Variants in MPDZ observed in about 807,000 individuals in gnomAD.
MPDZ encodes the protein multiple PDZ domain crumbs cell polarity complex component.
A neutral mutation model predicts 239.1 loss-of-function variants in MPDZ; 234 were observed. The observed-to-expected ratio is 0.98, with a 90% CI of 0.88 to 1.09. The LOEUF (loss-of-function observed/expected upper bound fraction) is 1.09. MPDZ is among the 50% of genes least tolerant of loss of function. The pLI is 0.00. For synonymous variants in MPDZ, 1,048 were observed against 881.3 expected (o/e 1.19, Z -3.35); for missense variants, 3,175 against 2,510.0 (o/e 1.26, Z -5.66).
intron 1 of MPDZ, chr9:13,276,627 GTAGGATCT>G (rs1052900036): frequency 6.6e-6 from 1 of 152,344 alleles, no homozygotes; most frequent in South Asian, 2.1e-4. Flanking sequence ...TCTTTAAAGT[GTAGGATCT>G]TTCTCTGGCA....
chr9:13,154,797 GTT>G (rs1025605890), intron 24 of MPDZ, among the ~76,000 whole-genome samples: 1 of 152,074 alleles, frequency 6.6e-6, no homozygotes, highest in Admixed American at 6.6e-5. Flanking sequence ...ACCACACCTT[GTT>G]TATTGAGAAA....
intron 24 of MPDZ, among the ~76,000 whole-genome samples, chr9:13,157,632 A>AAC (rs60566356): frequency 0.043 from 6,384 of 149,640 alleles, 233 homozygotes; most frequent in South Asian, 0.12. Context: ...TTTACACACA[A>AAC]ACACACACAC....
chr9:13,191,094 C>A (rs1477843782), intron 15 of MPDZ, among the ~76,000 whole-genome samples: 1 of 152,080 alleles, frequency 6.6e-6, no homozygotes, highest in Non-Finnish European at 1.5e-5. Context: ...AATTATTGCA[C>A]AGCCTAGGAC....
intron 3 of MPDZ, among the ~76,000 whole-genome samples, chr9:13,225,669 A>G (rs1249401976): frequency 6.6e-6 from 1 of 152,066 alleles, no homozygotes; most frequent in East Asian, 1.9e-4. Context: ...CCATATAGTA[A>G]CATGCTGTAC....
chr9:13,220,822 TAAC>T (rs989096932), intron 7 of MPDZ, among the ~76,000 whole-genome samples: 1 of 152,006 alleles, frequency 6.6e-6, no homozygotes, highest in African/African-American at 2.4e-5. Flanking sequence ...ATATAAATCA[TAAC>T]AAATGTGTTA....
At chr9:13,166,660 T>C (rs1422569768) in intron 22 of MPDZ, among the ~76,000 whole-genome samples, 1 of 152,094 alleles carries the variant, frequency 6.6e-6, no homozygotes, top group Non-Finnish European at 1.5e-5. Context: ...TAGTACATTT[T>C]GCCTCCTGAG....
intron 1 of MPDZ, among the ~76,000 whole-genome samples, chr9:13,266,358 T>C (rs1223291296): frequency 6.6e-6 from 1 of 152,226 alleles, no homozygotes; most frequent in East Asian, 1.9e-4. Context: ...GACTAGTGGT[T>C]TGACTCCTGT....
rs181098014 is a variant in MPDZ, at chr9:13,114,720, C to T, written c.5466+528G>A. ...TTTGAGACCAGCCTGGCTGACATGG[C>T]GAAACCCCATCTCTAATAAAAATAC... On this transcript the variant is annotated intron_variant, in intron 40 of 46. Transcript: ENST00000319217. Among the ~76,000 whole-genome samples the T allele has an allele frequency of 6.6e-5, 10 of 151,834 alleles. No homozygotes were observed. The East Asian group carries it at 7.8e-4, about 12-fold the overall frequency.
intron 41 of MPDZ, 72 bp downstream of exon 41, chr9:13,113,859 G>A (rs978906312): frequency 4.7e-5 from 55 of 1,170,368 alleles, no homozygotes; most frequent in Non-Finnish European, 6.7e-5. Context: ...AAAGCTCAGA[G>A]GTAAACAAGA....
chr9:13,111,953 C>T, intron 43 of MPDZ, 71 bp downstream of exon 43: 3 of 1,513,512 alleles, frequency 2.0e-6, no homozygotes, highest in Non-Finnish European at 2.7e-6. Context: ...AACAGGTAGC[C>T]AGGTTCAAAG....
intron 3 of MPDZ, among the ~76,000 whole-genome samples, chr9:13,239,693 G>C (rs569874339): frequency 6.6e-6 from 1 of 152,140 alleles, no homozygotes; most frequent in African/African-American, 2.4e-5. Flanking sequence ...ATCAGTTTTA[G>C]AGCTTAAGTA....
chr9:13,198,101 G>C (rs770822175), intron 12 of MPDZ, among the ~76,000 whole-genome samples: 1 of 152,020 alleles, frequency 6.6e-6, no homozygotes, highest in Non-Finnish European at 1.5e-5. Flanking sequence ...CTTTCTTTTG[G>C]ATATATACCC....
chr9:13,162,743 G>A lies in MPDZ; in HGVS notation c.3307C>T (p.Gln1103Ter), dbSNP rs1235229504. The A allele has an allele frequency of 6.2e-7, 1 of 1,611,176 alleles. No individual in the cohort carries two copies. The highest frequency in any genetic ancestry group is 2.2e-5 in the East Asian group (1 of 44,656). The change falls in exon 23 of 47, where the codon CAA becomes TAA. Residue 1103 changes from glutamine to a stop codon, truncating the protein, a stop_gained. Coordinates refer to ENST00000319217, the MANE Select transcript of MPDZ (RefSeq NM_001378778.1). LOFTEE classifies it high-confidence loss of function. ...AGTGCCATTACTCTTCCAGATTGTTGTCCCAAGCTTATTTTGAACTCTTCC... is the reference window on the plus strand; with the variant it reads ...AGTGCCATTACTCTTCCAGATTGTTATCCCAAGCTTATTTTGAACTCTTCC... ...HLEEFKISLG[Q>*]QSGRVMALDI...
chr9:13,241,068 A>G (rs1965288244), intron 3 of MPDZ, among the ~76,000 whole-genome samples: 1 of 152,164 alleles, frequency 6.6e-6, no homozygotes, highest in African/African-American at 2.4e-5. Context: ...CGGTAAAACA[A>G]AAATTTTAGT....
Position 13,110,652 on chromosome 9 carries a change from C to A in MPDZ, c.5813G>T (p.Gly1938Val). ...AAATCTTACCTGCATTTCAATGGAG[C>A]CAGATGCATTTTTCAGTAGGTTAAC... ...QAVNLLKNAS[G>V]SIEMQVVAGG... Residue 1938 changes from glycine to valine, a missense_variant, in exon 44 of 47, where the codon GGC becomes GTC. Transcript: ENST00000319217. The A allele has an allele frequency of 6.2e-7, 1 of 1,613,388 alleles. No homozygotes were observed. The highest frequency in any genetic ancestry group is 8.5e-7 in the Non-Finnish European group (1 of 1,179,524).
At chr9:13,138,296 T>A in intron 28 of MPDZ, 143 bp from the exon 29 acceptor site, 1 of 938,760 alleles carries the variant, frequency 1.1e-6, no homozygotes. Flanking sequence ...CTAAATAGAC[T>A]AGGCACTTGG....
At position 13,158,016 on chromosome 9, in the gene MPDZ, A is replaced by G. The variant is rs2133382439; in HGVS notation, c.3452+2T>C. On this transcript the variant is annotated splice_donor_variant, in intron 24 of 46. Coordinates refer to ENST00000319217, the MANE Select transcript of MPDZ (RefSeq NM_001378778.1). LOFTEE classifies it high-confidence loss of function. ...TGGACAGAAGACAGAAATAGTCCTT[A>G]CCGCCTGGGCTGATTCCAATTGCTA... The G allele has an allele frequency of 6.2e-7, 1 of 1,611,606 alleles. No homozygotes were observed. The highest frequency in any genetic ancestry group is 8.5e-7 in the Non-Finnish European group (1 of 1,178,408).
rs193227554 is a variant in MPDZ at position 13,183,675 on chromosome 9, T to C, written c.2482-90A>G. ...CACTTGAGACTAAAAGGCAAACTGG[T>C]ATCATTCTTTTATCTATTGTATTTT... On this transcript the variant is annotated intron_variant, in intron 18 of 46. Transcript: ENST00000319217. 1,071 of 1,213,688 alleles carry C rather than the reference T, an allele frequency of 8.8e-4. 6 individuals carry two copies. In the African/African-American group the frequency reaches 0.014, roughly 16 times the overall value. 75.2% of individuals were successfully genotyped at this position (1,213,688 alleles called of 1,614,324 possible).
chr9:13,263,954 T>C (rs994871468), intron 1 of MPDZ, among the ~76,000 whole-genome samples: 4 of 152,340 alleles, frequency 2.6e-5, no homozygotes, highest in Non-Finnish European at 5.9e-5. Flanking sequence ...AATCCACAAT[T>C]ATATAAACAT....
Sources: gnomAD v4.1 joint callset for allele counts (sites outside exome capture counted in the v4.1 genomes callset) on GRCh38, gnomAD v4.1.1 for gene constraint, MANE v1.5 for transcripts, NCBI Gene and HGNC (gene_info 2026-07-23, HGNC 2026-07-21) for gene names.